Variants in CHN2 observed in about 807,000 individuals in gnomAD.
The protein encoded by CHN2 is beta-chimaerin.
A neutral mutation model predicts 56.3 loss-of-function variants in CHN2; 35 were observed. The ratio of observed to expected loss-of-function variants is 0.62; its 90% CI spans 0.47 to 0.82. The LOEUF (loss-of-function observed/expected upper bound fraction) is 0.82, where lower values mean the gene tolerates loss of function less well. CHN2 is among the 40% of genes least tolerant of loss of function. The probability of loss-of-function intolerance (pLI) is 0.00; values close to 1 mark genes in which losing one functional copy is unlikely to be tolerated. For missense variants in CHN2, 491 were observed against 580.5 expected, an observed-to-expected ratio of 0.85 and a Z score of 1.58; for synonymous variants, 210 against 212.8, an observed-to-expected ratio of 0.99 and a Z score of 0.12.
At chr7:29,337,535 C>T (rs937256690) in intron 1 of CHN2, among the ~76,000 whole-genome samples, 21 of 152,144 alleles carry the variant, frequency 1.4e-4, no homozygotes, top group Non-Finnish European at 2.6e-4. Flanking sequence ...CTTTCTCTTG[C>T]GGAAATCATT....
chr7:29,351,828 T>A (rs1797908327), intron 1 of CHN2, among the ~76,000 whole-genome samples: 1 of 152,186 alleles, frequency 6.6e-6, no homozygotes, highest in Non-Finnish European at 1.5e-5. Context: ...GTAGGATGCT[T>A]GGAATTTATT....
intron 2 of CHN2, among the ~76,000 whole-genome samples, chr7:29,366,363 A>G (rs10244747): frequency 0.63 from 95,810 of 151,814 alleles, 30,743 homozygotes; most frequent in East Asian, 0.75. Flanking sequence ...GGTAGAAGAG[A>G]AGGAGGAGGC....
intron 1 of CHN2, among the ~76,000 whole-genome samples, chr7:29,291,399 C>A (rs1195014797): frequency 6.6e-6 from 1 of 152,030 alleles, no homozygotes; most frequent in Non-Finnish European, 1.5e-5. Context: ...GAGGGGTGCT[C>A]TCCTGCCCTG....
chr7:29,436,096 C>T (rs1783204390), intron 6 of CHN2, among the ~76,000 whole-genome samples: 1 of 152,074 alleles, frequency 6.6e-6, no homozygotes, highest in Non-Finnish European at 1.5e-5. Flanking sequence ...AGTGACGCCT[C>T]AAGTTGGAGA....
chr7:29,195,623 AGAGAGAGTGTGTGTGT>A (rs917576247), intron 1 of CHN2, among the ~76,000 whole-genome samples: 14 of 128,180 alleles, frequency 1.1e-4, no homozygotes, highest in African/African-American at 3.7e-4. Context: ...AGAGAGAGAG[AGAGAGAGTGTGTGTGT>A]GTGTGTGTGT....
At chr7:29,490,427 T>G (rs892434493) in intron 7 of CHN2, among the ~76,000 whole-genome samples, 16 of 152,214 alleles carry the variant, frequency 1.1e-4, no homozygotes, top group Admixed American at 1.0e-3. Flanking sequence ...ATTGCCTGTT[T>G]ATTCTTGTAG....
At chr7:29,448,219 T>A (rs849920) in intron 6 of CHN2, among the ~76,000 whole-genome samples, 19,664 of 152,094 alleles carry the variant, frequency 0.13, 1,525 homozygotes, top group Non-Finnish European at 0.17. Flanking sequence ...TATTAAAGAA[T>A]GGGATTTTGA....
intron 1 of CHN2, among the ~76,000 whole-genome samples, chr7:29,263,334 A>G (rs143733307): frequency 0.089 from 13,486 of 152,072 alleles, 993 homozygotes; most frequent in African/African-American, 0.2. Context: ...TCAGTGCTCA[A>G]TGTTGCCCAG....
intron 2 of CHN2, among the ~76,000 whole-genome samples, chr7:29,166,154 C>G (rs1317596442): frequency 1.3e-5 from 2 of 152,058 alleles, no homozygotes; most frequent in East Asian, 3.9e-4. Flanking sequence ...CCTCACCCTC[C>G]CAAGTAGCTA....
At position 29,253,169 on chromosome 7, in the gene CHN2, T is replaced by A. The variant is rs533276556; in HGVS notation, c.49+58179T>A. On this transcript the variant is annotated intron_variant, in intron 1 of 12. Coordinates refer to ENST00000222792, the MANE Select transcript of CHN2 (RefSeq NM_004067.4). ...AAGAAAGTTTTCACATAATAAGATG[T>A]GCTGAGTTGTGTCTTCAAGGCTGGT... Among the ~76,000 whole-genome samples, 14 of 152,300 alleles carry A rather than the reference T, an allele frequency of 9.2e-5. No individual in the cohort carries two copies. In the South Asian group the frequency reaches 2.9e-3, roughly 32 times the overall value.
At chr7:29,263,638 C>T (rs930235637) in intron 1 of CHN2, among the ~76,000 whole-genome samples, 8 of 151,502 alleles carry the variant, frequency 5.3e-5, no homozygotes, top group Non-Finnish European at 8.8e-5. Flanking sequence ...CTCTGCCCGG[C>T]CGCCCAGTAT....
Position 29,507,220 on chromosome 7 carries a change from T to C in CHN2, c.992-8T>C. 6.2e-7 allele frequency: 1 copy of C among 1,602,396 alleles called. No homozygotes were observed. Among genetic ancestry groups the C allele is most frequent in the South Asian group, 1.1e-5 (1 of 87,954 alleles). On this transcript the variant is annotated splice_region_variant and splice_polypyrimidine_tract_variant and intron_variant, in intron 10 of 12. Coordinates refer to ENST00000222792, the MANE Select transcript of CHN2 (RefSeq NM_004067.4). ...TAATTAGGACTTGGATCACTGATTG[T>C]TTTTCAGATGGTGAAAAGGCCGATA...
intron 6 of CHN2, chr7:29,479,661 ATGC>A: frequency 9.7e-7 from 1 of 1,030,012 alleles, no homozygotes; most frequent in Non-Finnish European, 1.2e-6. Flanking sequence ...GATTAATTGG[ATGC>A]AGCCTCAGAC....
intron 1 of CHN2, among the ~76,000 whole-genome samples, chr7:29,258,868 C>A (rs1411793460): frequency 6.6e-6 from 1 of 152,178 alleles, no homozygotes; most frequent in African/African-American, 2.4e-5. Context: ...CCACTTCCAT[C>A]TTTCTATCTT....
intron 12 of CHN2, among the ~76,000 whole-genome samples, chr7:29,511,915 C>G (rs1791486317): frequency 6.6e-6 from 1 of 152,124 alleles, no homozygotes; most frequent in African/African-American, 2.4e-5. Flanking sequence ...CTCTGCAGTT[C>G]TTACCTGGAT....
intron 6 of CHN2, among the ~76,000 whole-genome samples, chr7:29,447,313 A>G (rs1477663076): frequency 2.0e-5 from 3 of 152,246 alleles, no homozygotes; most frequent in African/African-American, 4.8e-5. Flanking sequence ...AACGCCTAAG[A>G]TGTAAAGTAC....
intron 6 of CHN2, among the ~76,000 whole-genome samples, chr7:29,471,572 G>A (rs1489819312): frequency 8.0e-6 from 1 of 125,486 alleles, no homozygotes; most frequent in Non-Finnish European, 1.8e-5. Context: ...TGACTGTTTT[G>A]AATGAGGCAA....
At chr7:29,363,286 G>A (rs929687284) in intron 2 of CHN2, among the ~76,000 whole-genome samples, 21 of 152,222 alleles carry the variant, frequency 1.4e-4, no homozygotes, top group African/African-American at 5.1e-4. Flanking sequence ...AGGAGTTCGA[G>A]ACCAGCCTGA....
At chr7:29,202,283 TA>T (rs1784218477) in intron 1 of CHN2, among the ~76,000 whole-genome samples, 1 of 152,234 alleles carries the variant, frequency 6.6e-6, no homozygotes, top group African/African-American at 2.4e-5. Flanking sequence ...GAAGGATTTT[TA>T]CTTCTACAAA....
Sources: gnomAD v4.1 joint callset for allele counts (sites outside exome capture counted in the v4.1 genomes callset) on GRCh38, gnomAD v4.1.1 for gene constraint, MANE v1.5 for transcripts, NCBI Gene and HGNC (gene_info 2026-07-23, HGNC 2026-07-21) for gene names.